MAP3K15: variants seen among roughly 807,000 people sequenced by gnomAD.
The protein encoded by MAP3K15 is MAPK/ERK kinase kinase 15.
In MAP3K15, 124 loss-of-function variants were observed where a neutral mutation model predicts 99.5. The ratio of observed to expected loss-of-function variants is 1.25; its 90% CI spans 1.08 to 1.45. MAP3K15 has a LOEUF of 1.45. Ranked by LOEUF, MAP3K15 falls within the 40% of genes most tolerant of loss-of-function variation. The pLI, the probability that MAP3K15 is intolerant of heterozygous loss-of-function variation, is 0.00. For missense variants in MAP3K15, 1,242 were observed against 1,079.7 expected (o/e 1.15, Z -2.11); for synonymous variants, 494 against 439.6 (o/e 1.12, Z -1.55).
Position 19,380,333 on chromosome X carries a change from G to A in MAP3K15, c.2432-56C>T, listed in dbSNP as rs1555942883. 6.0e-6 allele frequency: 7 copies of A among 1,158,258 alleles called. No individual in the cohort carries two copies. In the African/African-American group the frequency reaches 8.9e-5, roughly 15 times the overall value. ...GTACCATATTGCTCAGAAACTAAGT[G>A]GCCTGTAGTCCCAGCTACTCGGGAG... On this transcript the variant is annotated intron_variant, in intron 18 of 28. Coordinates refer to ENST00000338883, the MANE Select transcript of MAP3K15 (RefSeq NM_001001671.4).
chrX:19,452,627 T>C (rs182788202), intron 6 of MAP3K15, among the ~76,000 whole-genome samples: 137 of 111,635 alleles, frequency 1.2e-3, no homozygotes, highest in African/African-American at 4.1e-3. Flanking sequence ...ATGTGGTCTG[T>C]ACATACAATG....
At chrX:19,369,402 A>G (rs1460667355) in intron 24 of MAP3K15, among the ~76,000 whole-genome samples, 183 bp from the exon 25 acceptor site, 1 of 111,861 alleles carries the variant, frequency 8.9e-6, no homozygotes, top group Non-Finnish European at 1.9e-5. Flanking sequence ...TCTGCAGCGT[A>G]AAGTTGATCA....
chrX:19,482,692 T>G (rs771771478), intron 3 of MAP3K15, among the ~76,000 whole-genome samples: 20 of 112,232 alleles, frequency 1.8e-4, no homozygotes, highest in Non-Finnish European at 3.2e-4. Flanking sequence ...TGCACAATTA[T>G]GTCATTTATT....
intron 1 of MAP3K15, among the ~76,000 whole-genome samples, chrX:19,507,024 G>T (rs1176827026): frequency 4.5e-5 from 5 of 112,104 alleles, no homozygotes; most frequent in African/African-American, 1.3e-4. Context: ...GACACAACAG[G>T]TATGGGAAGA....
chrX:19,501,220 A>G (rs1252852607), intron 1 of MAP3K15, among the ~76,000 whole-genome samples: 1 of 111,854 alleles, frequency 8.9e-6, no homozygotes, highest in East Asian at 2.8e-4. Flanking sequence ...AGGGAGGGAG[A>G]AAGGGAGAAG....
intron 1 of MAP3K15, among the ~76,000 whole-genome samples, chrX:19,513,583 G>C (rs931183946): frequency 3.6e-5 from 4 of 111,504 alleles, no homozygotes; most frequent in African/African-American, 1.3e-4. Flanking sequence ...CCTTCCAGCT[G>C]GGGAGAATTT....
At chrX:19,495,696 A>C (rs934144763) in intron 1 of MAP3K15, among the ~76,000 whole-genome samples, 5 of 112,104 alleles carry the variant, frequency 4.5e-5, no homozygotes, top group African/African-American at 1.6e-4. Context: ...CTCAAAGTGA[A>C]ATATTTGCAA....
intron 22 of MAP3K15, 141 bp downstream of exon 22, chrX:19,372,512 T>C: frequency 4.2e-6 from 2 of 474,015 alleles, no homozygotes; most frequent in Non-Finnish European, 6.8e-6. Context: ...GGAAGGACGT[T>C]AGGGAAACAT....
chrX:19,457,131 T>TG, intron 5 of MAP3K15, 112 bp from the exon 6 acceptor site: 1 of 482,651 alleles, frequency 2.1e-6, no homozygotes, highest in Non-Finnish European at 3.5e-6. Context: ...AGGCCCTTCC[T>TG]TACAAAGGGC....
intron 10 of MAP3K15, chrX:19,414,174 A>C (rs1005757531): frequency 4.7e-5 from 5 of 107,057 alleles, no homozygotes; most frequent in Admixed American, 3.0e-4. Context: ...AGAGGAGGGG[A>C]AGAGAAAGAG....
At chrX:19,464,129 CA>C (rs2064149300) in intron 4 of MAP3K15, 83 bp downstream of exon 4, 3 of 834,174 alleles carry the variant, frequency 3.6e-6, no homozygotes, top group Middle Eastern at 6.6e-4. Context: ...CAACTCTGTT[CA>C]TTTGAAGGTG....
At chrX:19,420,163 G>T (rs2063770987) in intron 9 of MAP3K15, among the ~76,000 whole-genome samples, 1 of 111,364 alleles carries the variant, frequency 9.0e-6, no homozygotes. Flanking sequence ...TCAAAAGCTA[G>T]CAGAAGGCAA....
intron 1 of MAP3K15, 55 bp from the exon 2 acceptor site, chrX:19,489,022 T>G: frequency 9.1e-7 from 1 of 1,096,481 alleles, no homozygotes; most frequent in Non-Finnish European, 1.2e-6. Context: ...CTACTTCATC[T>G]ACTCACTGGT....
chrX:19,431,545 ACAGCTCTG>A lies in MAP3K15; in HGVS notation c.1051_1058del (p.Gln351Ter), dbSNP rs1390911381. On this transcript the variant is annotated frameshift_variant, in exon 7 of 29. Transcript: ENST00000338883. LOFTEE classifies it high-confidence loss of function. ...AGAACATGTCGGGGCCCGGGTGATC[ACAGCTCTG>A]CAGAACCTGGAGCATGATCTGCAGA... 2 of 1,200,005 alleles carry A rather than the reference ACAGCTCTG, an allele frequency of 1.7e-6. No homozygotes were observed. Among genetic ancestry groups the A allele is most frequent in the East Asian group, 3.0e-5 (1 of 33,837 alleles).
chrX:19,473,562 A>C (rs2064221351), intron 3 of MAP3K15, among the ~76,000 whole-genome samples: 1 of 112,471 alleles, frequency 8.9e-6, no homozygotes, highest in African/African-American at 3.2e-5. Flanking sequence ...TATTTGAACC[A>C]GTATGCTAAC....
chrX:19,500,803 T>C (rs1002250417), intron 1 of MAP3K15, among the ~76,000 whole-genome samples: 10 of 112,164 alleles, frequency 8.9e-5, no homozygotes, highest in Non-Finnish European at 1.1e-4. Flanking sequence ...ATGGCTCGTA[T>C]TCCAAAACTA....
At chrX:19,380,078 C>T (rs1467064042) in intron 19 of MAP3K15, 42 bp downstream of exon 19, 1 of 1,127,821 alleles carries the variant, frequency 8.9e-7, no homozygotes, top group Non-Finnish European at 1.2e-6. Flanking sequence ...TTTAATTCTA[C>T]TTCCCAACCA....
intron 7 of MAP3K15, among the ~76,000 whole-genome samples, chrX:19,427,974 C>T (rs1343588818): frequency 9.1e-6 from 1 of 110,222 alleles, no homozygotes; most frequent in African/African-American, 3.3e-5. Context: ...CTAGATGTGA[C>T]TGTTTTATTT....
intron 6 of MAP3K15, among the ~76,000 whole-genome samples, chrX:19,439,721 G>A (rs748745006): frequency 2.7e-5 from 3 of 111,860 alleles, no homozygotes; most frequent in South Asian, 7.6e-4. Context: ...CTCCCACCTC[G>A]GCCTGCCAAA....
Sources: gnomAD v4.1 joint callset for allele counts (sites outside exome capture counted in the v4.1 genomes callset) on GRCh38, gnomAD v4.1.1 for gene constraint, MANE v1.5 for transcripts, NCBI Gene and HGNC (gene_info 2026-07-23, HGNC 2026-07-21) for gene names.